SMC1B: variants seen among roughly 807,000 people sequenced by gnomAD.
SMC1B encodes the protein structural maintenance of chromosomes 1B, also known as structural maintenance of chromosomes protein 1B.
Under a neutral mutation model 157.9 loss-of-function variants are expected in SMC1B, and 60 were observed. The observed-to-expected ratio is 0.38, with a 90% CI of 0.31 to 0.47. SMC1B has a LOEUF of 0.47. Ranked by LOEUF, SMC1B falls within the 20% of genes least tolerant of loss-of-function variation. SMC1B has a pLI of 0.99. For synonymous variants in SMC1B, 445 were observed against 483.0 expected (o/e 0.92, Z 1.03); for missense variants, 1,165 against 1,426.2 (o/e 0.82, Z 2.95).
chr22:45,406,609 C>A lies in SMC1B; in HGVS notation c.466G>T (p.Glu156Ter). 6.2e-7 allele frequency: 1 copy of A among 1,613,492 alleles called. No homozygotes were observed. ...KKPKERTQFF[E>*]EISTSGELIG... ...AGCTCTCCTGAAGTGCTGATTTCCT[C>A]AAAAAACTGGGTCCTTTCTTTGGGT... Residue 156 changes from glutamate (E) to a stop codon, truncating the protein, a stop_gained, in exon 4 of 25, where the codon GAG becomes TAG. Transcript: ENST00000357450. LOFTEE classifies it high-confidence loss of function.
At chr22:45,388,804 C>T (rs937814802) in intron 10 of SMC1B, among the ~76,000 whole-genome samples, 3 of 151,464 alleles carry the variant, frequency 2.0e-5, no homozygotes, top group Non-Finnish European at 1.5e-5. Flanking sequence ...GGAGAAACCC[C>T]GTCTCTACTA....
chr22:45,368,326 G>A (rs2086795158), intron 15 of SMC1B, among the ~76,000 whole-genome samples: 1 of 151,652 alleles, frequency 6.6e-6, no homozygotes, highest in Admixed American at 6.6e-5. Context: ...CTGATATAAA[G>A]CCCACTAGAT....
At position 45,413,579 on chromosome 22, in the gene SMC1B, C is replaced by T; in HGVS notation, c.-12G>A. ...TCCAGGTGGGCCATGGCGCCGCCCT[C>T]CACGCCTCACCCGCGTTATCAAGCG... On this transcript the variant is annotated 5_prime_UTR_variant, in exon 1 of 25. Coordinates refer to ENST00000357450, the MANE Select transcript of SMC1B (RefSeq NM_148674.5). 1.3e-6 allele frequency: 2 copies of T among 1,589,966 alleles called. No homozygotes were observed. Among genetic ancestry groups the T allele is most frequent in the Non-Finnish European group, 1.7e-6 (2 of 1,167,648 alleles).
intron 22 of SMC1B, 84 bp from the exon 23 acceptor site, chr22:45,349,881 A>G (rs1254760250): frequency 1.9e-6 from 2 of 1,065,692 alleles, no homozygotes; most frequent in Non-Finnish European, 2.8e-6. Flanking sequence ...CAGTATTCAG[A>G]ATAAATAAAA....
At chr22:45,348,637 C>A (rs1473324303) in intron 23 of SMC1B, among the ~76,000 whole-genome samples, 1 of 152,078 alleles carries the variant, frequency 6.6e-6, no homozygotes, top group Non-Finnish European at 1.5e-5. Context: ...CTCATCAACT[C>A]TGGAAGGTCC....
At chr22:45,358,897 A>G in intron 18 of SMC1B, 102 bp from the exon 19 acceptor site, 1 of 706,712 alleles carries the variant, frequency 1.4e-6, no homozygotes, top group Admixed American at 2.5e-5. Flanking sequence ...AACATCAAAG[A>G]TCAGTTATAT....
In SMC1B at chr22:45,371,543, T is replaced by C. The variant is rs2086831698; in HGVS notation, c.2241A>G (p.Gln747=). The change falls in exon 14 of 25, where the codon CAA becomes CAG. Residue 747 remains glutamine, a synonymous_variant. Coordinates refer to ENST00000357450, the MANE Select transcript of SMC1B (RefSeq NM_148674.5). The part of the protein sequence containing the change: ...LQSELLNIES[Q]CIMLSEGIKE... ...TGATTCCTTCACTCAACATAATACA[T>C]TGAGACTCAATATTTAGTAGTTCAC... 1 of 1,595,266 alleles carries C rather than the reference T, an allele frequency of 6.3e-7. No individual in the cohort carries two copies.
At chr22:45,409,973 A>T (rs1441728544) in intron 1 of SMC1B, among the ~76,000 whole-genome samples, 2 of 152,206 alleles carry the variant, frequency 1.3e-5, no homozygotes, top group Non-Finnish European at 2.9e-5. Context: ...CCTATGTGAC[A>T]ATCTCCCGAT....
chr22:45,353,921 CA>C (rs1184241879), intron 21 of SMC1B, 56 bp downstream of exon 21: 1 of 398,664 alleles, frequency 2.5e-6, no homozygotes, highest in African/African-American at 6.4e-5. Context: ...AAAAAAAAAA[CA>C]ACCACCACCG....
In SMC1B at chr22:45,406,638, T is replaced by G. The variant is rs1428326638; in HGVS notation, c.437A>C (p.Lys146Thr). 1 of 1,613,632 alleles carries G rather than the reference T, an allele frequency of 6.2e-7. No individual in the cohort carries two copies. Among genetic ancestry groups the G allele is most frequent in the Non-Finnish European group, 8.5e-7 (1 of 1,179,864 alleles). Reference sequence around the variant, plus strand: ...AAACTGGGTCCTTTCTTTGGGTTTCTTCACTGAAATTGACTCTACAGTTCC... The same window carrying G: ...AAACTGGGTCCTTTCTTTGGGTTTCGTCACTGAAATTGACTCTACAGTTCC... ...FQGTVESISV[K>T]KPKERTQFFE... The change falls in exon 4 of 25, where the codon AAG (lysine) becomes ACG (threonine). Residue 146 changes from lysine (K) to threonine (T), a missense_variant. Lys to Thr is a moderately conservative substitution (Grantham distance 78). Coordinates refer to ENST00000357450, the MANE Select transcript of SMC1B (RefSeq NM_148674.5).
At chr22:45,370,595 A>T (rs570550229) in intron 14 of SMC1B, among the ~76,000 whole-genome samples, 85 of 152,334 alleles carry the variant, frequency 5.6e-4, no homozygotes, top group Non-Finnish European at 1.0e-3. Flanking sequence ...GACATTTTTA[A>T]AAACTTTCAG....
intron 17 of SMC1B, 76 bp from the exon 18 acceptor site, chr22:45,360,034 T>A: frequency 8.9e-7 from 1 of 1,117,622 alleles, no homozygotes; most frequent in Middle Eastern, 2.1e-4. Context: ...ATGTATGCTA[T>A]AAACTTTTAT....
intron 23 of SMC1B, among the ~76,000 whole-genome samples, chr22:45,349,150 G>C (rs1602042194): frequency 1.3e-5 from 2 of 151,428 alleles, no homozygotes; most frequent in East Asian, 3.9e-4. Context: ...AAGTAGCTGG[G>C]ATTACAGGCA....
chr22:45,396,576 TA>T, intron 6 of SMC1B, 90 bp from the exon 7 acceptor site: 1 of 1,101,518 alleles, frequency 9.1e-7, no homozygotes, highest in Non-Finnish European at 1.3e-6. Context: ...AGAAGATAAT[TA>T]ATCTTCCCAA....
chr22:45,366,427 GAATGTCAGTATATAAATGTTACTTA>G (rs1165303494), intron 15 of SMC1B, among the ~76,000 whole-genome samples: 2 of 152,080 alleles, frequency 1.3e-5, no homozygotes, highest in Admixed American at 1.3e-4. Context: ...CAAATTTTGG[GAATGTCAGTATATAAATGTTACTTA>G]AAGTCATATA....
rs774726810 is a variant in SMC1B at position 45,358,687 on chromosome 22, T to G, written c.2961+10A>C. 3.3e-6 allele frequency: 5 copies of G among 1,536,550 alleles called. No individual in the cohort carries two copies. The highest frequency in any genetic ancestry group is 1.2e-5 in the South Asian group (1 of 86,656). ...CTGTGAGTGATAAACAACAGAAAGC[T>G]TTCCATTACCTTCAAATCCTCTTTT... On this transcript the variant is annotated intron_variant, in intron 19 of 24. Coordinates refer to ENST00000357450, the MANE Select transcript of SMC1B (RefSeq NM_148674.5).
At position 45,402,566 on chromosome 22, in the gene SMC1B, T is replaced by G; in HGVS notation, c.621A>C (p.Glu207Asp). Residue 207 changes from glutamate to aspartate, a missense_variant, in exon 5 of 25, where the codon GAA (glutamate) becomes GAC (aspartate). Physicochemically the swap from Glu to Asp is conservative, Grantham distance 45. Transcript: ENST00000357450. ...RQAKLEKEEAERYQSLLEELK... is the reference protein window; with the variant it reads ...RQAKLEKEEADRYQSLLEELK... ...GTTCTTCAAGGAGACTCTGGTAACG[T>G]TCTGCCTATAAAAGAGTATAATTCA... The G allele has an allele frequency of 1.2e-6, 2 of 1,611,550 alleles. No homozygotes were observed. Among genetic ancestry groups the G allele is most frequent in the South Asian group, 2.2e-5 (2 of 90,722 alleles).
At position 45,405,414 on chromosome 22, in the gene SMC1B, C is replaced by T. The variant is rs564257476; in HGVS notation, c.615+1046G>A. 3.3e-5 allele frequency among the ~76,000 whole-genome samples: 5 copies of T among 151,856 alleles called. No individual in the cohort carries two copies. The South Asian group carries it at 8.3e-4, about 25-fold the overall frequency. On this transcript the variant is annotated intron_variant, in intron 4 of 24. Coordinates refer to ENST00000357450, the MANE Select transcript of SMC1B (RefSeq NM_148674.5). ...ATACAAAAAAAAAATTAGCCAGGAA[C>T]GGTGGCGGGCACCTGTAGTCCCAGC...
chr22:45,387,577 CAA>C (rs1268589028), intron 10 of SMC1B, among the ~76,000 whole-genome samples: 3 of 152,186 alleles, frequency 2.0e-5, no homozygotes, highest in African/African-American at 7.2e-5. Flanking sequence ...TCGAAAGCCA[CAA>C]GACGTAATTT....
Sources: allele counts gnomAD v4.1 joint callset (sites outside exome capture counted in the v4.1 genomes callset), GRCh38; gene constraint gnomAD v4.1.1; transcripts MANE v1.5; gene names NCBI Gene and HGNC (gene_info 2026-07-23, HGNC 2026-07-21).